PAICS: variants seen among roughly 807,000 people sequenced by gnomAD.
PAICS encodes bifunctional phosphoribosylaminoimidazole carboxylase/phosphoribosylaminoimidazole succinocarboxamide synthetase.
In PAICS, 33 loss-of-function variants were observed where a neutral mutation model predicts 53.7. That is an observed-to-expected ratio of 0.61 (90% CI 0.47 to 0.82). The LOEUF is 0.82. Among genes scored for constraint, PAICS ranks in the 40% least tolerant of loss-of-function variants. The pLI, the probability that PAICS is intolerant of heterozygous loss-of-function variation, is 0.00. For missense variants in PAICS, 394 were observed against 494.1 expected, an observed-to-expected ratio of 0.80 and a Z score of 1.92; for synonymous variants, 141 against 167.2, an observed-to-expected ratio of 0.84 and a Z score of 1.21.
chr4:56,420,076 ACAT>A, the PAICS span: 2 of 733,140 alleles, frequency 2.7e-6, no homozygotes, highest in Non-Finnish European at 3.3e-6. Context: ...AATAATCTTA[ACAT>A]CATGTTACAT....
intron 1 of PAICS, among the ~76,000 whole-genome samples, chr4:56,438,378 T>TATATATATATATATATATATATATAA (rs1560656323): frequency 1.6e-3 from 100 of 64,300 alleles, no homozygotes; most frequent in Middle Eastern, 6.7e-3. Flanking sequence ...TGTTTATATA[T>TATATATATATATATATATATATATAA]ATATATATAT....
the PAICS span, among the ~76,000 whole-genome samples, chr4:56,427,364 T>C: frequency 6.6e-6 from 1 of 152,266 alleles, no homozygotes; most frequent in African/African-American, 2.4e-5. Flanking sequence ...TCTGGGTTTA[T>C]ATGTAGGAGT....
At chr4:56,428,976 T>C in the PAICS span, 2 of 980,370 alleles carry the variant, frequency 2.0e-6, no homozygotes, top group East Asian at 2.3e-4. Flanking sequence ...CAAGGAACTT[T>C]GAGCTTCAAG....
chr4:56,429,808 CATT>C, the PAICS span, among the ~76,000 whole-genome samples: 9 of 152,226 alleles, frequency 5.9e-5, no homozygotes, highest in Non-Finnish European at 1.3e-4. Context: ...CCCCCATAAA[CATT>C]ATCACTATTC....
the PAICS span, chr4:56,422,465 GGTTT>G: frequency 1.0e-5 from 1 of 96,836 alleles, no homozygotes; most frequent in South Asian, 4.3e-4. Flanking sequence ...ATAATATTCT[GGTTT>G]TTTTTTTTTG....
rs1156519782 is a variant in PAICS at position 56,460,345 on chromosome 4, AC to A, written c.*808del. 6.6e-6 allele frequency: 1 copy of A among 152,120 alleles called. No homozygotes were observed. The highest frequency in any genetic ancestry group is 1.5e-5 in the Non-Finnish European group (1 of 68,028). 9.4% of individuals were successfully genotyped at this position (152,120 alleles called of 1,614,324 possible). ...TGATTTCATCATTGATGTTTTTCTC[AC>A]GTTTCACATCTCACTCATCACCAAG... is the stretch of plus-strand genomic sequence containing the variant. On this transcript the variant is annotated 3_prime_UTR_variant, in exon 9 of 9. Coordinates refer to ENST00000512576, the MANE Select transcript of PAICS (RefSeq NM_001079524.2).
At chr4:56,435,982 G>A, upstream of PAICS, 1 of 1,525,706 alleles carries the variant, frequency 6.6e-7, no homozygotes, top group South Asian at 1.1e-5. Context: ...CGGGGTATGC[G>A]AGCTTCCGCA....
chr4:56,413,108 A>C, the PAICS span, among the ~76,000 whole-genome samples: 1 of 151,946 alleles, frequency 6.6e-6, no homozygotes, highest in Non-Finnish European at 1.5e-5. Context: ...GGAGGATATA[A>C]TTACTTTGGT....
At chr4:56,432,572 T>C (rs1372403394), upstream of PAICS, among the ~76,000 whole-genome samples, 1 of 142,070 alleles carries the variant, frequency 7.0e-6, no homozygotes, top group Non-Finnish European at 1.5e-5. Flanking sequence ...GATCACGAGG[T>C]CAGGAGATCG....
intron 8 of PAICS, 102 bp downstream of exon 8, chr4:56,453,863 A>C: frequency 1.4e-6 from 1 of 706,976 alleles, no homozygotes; most frequent in African/African-American, 1.7e-5. Flanking sequence ...CCCATGACCT[A>C]GCTTCAGCAA....
the PAICS span, among the ~76,000 whole-genome samples, chr4:56,423,723 T>C: frequency 2.6e-5 from 4 of 152,016 alleles, no homozygotes; most frequent in South Asian, 8.3e-4. Flanking sequence ...ATTTAGAAAA[T>C]GTGAAACAGG....
In PAICS at chr4:56,463,800, G is replaced by C. The variant is rs1256063443; in HGVS notation, c.*4262G>C. The C allele has an allele frequency of 6.6e-6, 1 of 151,800 alleles. No individual in the cohort carries two copies. The highest frequency in any genetic ancestry group is 1.5e-5 in the Non-Finnish European group (1 of 67,982). 9.4% of individuals were successfully genotyped at this position (151,800 alleles called of 1,614,324 possible). A position where few individuals can be genotyped will look rare whatever the true frequency, so the allele number is the denominator to read the frequency against. On this transcript the variant is annotated 3_prime_UTR_variant, in exon 9 of 9. Transcript: ENST00000512576. ...ATGAGATGGCTAATTCTGTCAACTT[G>C]ACTAGGCTACGGGATGCCTTGATAG...
intron 1 of PAICS, chr4:56,436,548 C>T (rs1468416590): frequency 1.4e-6 from 1 of 708,200 alleles, no homozygotes; most frequent in Non-Finnish European, 2.6e-6. Context: ...GAGAAATGGC[C>T]AAGGGGTGGA....
At chr4:56,417,942 C>A in the PAICS span, among the ~76,000 whole-genome samples, 62 of 150,238 alleles carry the variant, frequency 4.1e-4, no homozygotes, top group Non-Finnish European at 7.2e-4. Flanking sequence ...CAGGTTCAAG[C>A]GATTCTCCTG....
At chr4:56,445,391 T>C (rs567413520) in intron 2 of PAICS, among the ~76,000 whole-genome samples, 1 of 151,002 alleles carries the variant, frequency 6.6e-6, no homozygotes, top group East Asian at 2.0e-4. Context: ...AGATCAGGAG[T>C]TCCTGACCAA....
intron 2 of PAICS, among the ~76,000 whole-genome samples, chr4:56,444,241 A>G (rs967685386): frequency 5.9e-5 from 9 of 152,198 alleles, no homozygotes; most frequent in African/African-American, 1.7e-4. Context: ...AAAGGACTAT[A>G]TAAATAAGAA....
intron 1 of PAICS, among the ~76,000 whole-genome samples, chr4:56,439,250 T>C (rs1184939383): frequency 6.6e-6 from 1 of 152,210 alleles, no homozygotes; most frequent in Non-Finnish European, 1.5e-5. Flanking sequence ...TTTTTGTTTT[T>C]TCTTGAGACG....
At chr4:56,435,701 G>A, upstream of PAICS, 1 of 1,464,728 alleles carries the variant, frequency 6.8e-7, no homozygotes, top group Non-Finnish European at 9.0e-7. Flanking sequence ...GAGGGCGGAG[G>A]GGCGGTCCCG....
chr4:56,448,509 T>G lies in PAICS; in HGVS notation c.485T>G (p.Val162Gly). Residue 162 changes from valine to glycine, a missense_variant, in exon 4 of 9, where the codon GTG becomes GGG. Coordinates refer to ENST00000512576, the MANE Select transcript of PAICS (RefSeq NM_001079524.2). Reference protein sequence around the residue: ...FAGLLIGQTEVDIMSHATQAI... With the variant: ...FAGLLIGQTEGDIMSHATQAI... ...GGACTTCTTATAGGCCAGACTGAAG[T>G]GGATATCATGAGTCATGCTACACAG... The G allele has an allele frequency of 6.2e-7, 1 of 1,612,732 alleles. No individual in the cohort carries two copies. Among genetic ancestry groups the G allele is most frequent in the Non-Finnish European group, 8.5e-7 (1 of 1,178,976 alleles).
Sources: gnomAD v4.1 joint callset for allele counts (sites outside exome capture counted in the v4.1 genomes callset) on GRCh38, gnomAD v4.1.1 for gene constraint, MANE v1.5 for transcripts, NCBI Gene and HGNC (gene_info 2026-07-23, HGNC 2026-07-21) for gene names.